Variants in SYN2 observed in about 807,000 individuals in gnomAD.
The protein encoded by SYN2 is synapsin II, also known as synapsin-2.
A neutral mutation model predicts 50.9 loss-of-function variants in SYN2; 19 were observed. The observed-to-expected ratio is 0.37, with a 90% CI of 0.26 to 0.55. SYN2 has a LOEUF of 0.55. SYN2 is among the 20% of genes least tolerant of loss of function. The pLI, the probability that SYN2 is intolerant of heterozygous loss-of-function variation, is 0.81. For synonymous variants in SYN2, 255 were observed against 224.9 expected (o/e 1.13, Z -1.20); for missense variants, 587 against 576.4 (o/e 1.02, Z -0.19).
intron 3 of SYN2, among the ~76,000 whole-genome samples, chr3:12,143,919 A>G (rs1046317606): frequency 9.9e-5 from 15 of 152,228 alleles, no homozygotes; most frequent in South Asian, 4.1e-4. Context: ...GTAAAAGCTT[A>G]AGTCCTCGAG....
At chr3:12,144,476 A>G (rs546731307) in intron 3 of SYN2, among the ~76,000 whole-genome samples, 9 of 152,304 alleles carry the variant, frequency 5.9e-5, no homozygotes, top group African/African-American at 2.2e-4. Context: ...AGTGTGGTGA[A>G]GGGAGCCAAG....
chr3:12,171,443 C>T (rs1174971887), intron 10 of SYN2, among the ~76,000 whole-genome samples: 1 of 152,086 alleles, frequency 6.6e-6, no homozygotes, highest in East Asian at 1.9e-4. Context: ...GTAGTCCCTT[C>T]TTCCCTTTAA....
Position 12,141,981 on chromosome 3 carries a change from G to A in SYN2, c.512G>A (p.Gly171Asp). 1 of 780,818 alleles carries A rather than the reference G, an allele frequency of 1.3e-6. No homozygotes were observed. The highest frequency in any genetic ancestry group is 1.7e-5 in the Admixed American group (1 of 59,040). The allele number at this position is 780,818 out of a possible 1,614,324, so 48.4% of individuals were successfully genotyped here. A position where few individuals can be genotyped will look rare whatever the true frequency, so the allele number is the denominator to read the frequency against. Residue 171 changes from glycine (G) to aspartate (D), a missense_variant, in exon 3 of 13, where the codon GGC becomes GAC. Coordinates refer to ENST00000621198, the MANE Select transcript of SYN2 (RefSeq NM_133625.6). Reference sequence around the variant, plus strand: ...GTGGATATGCAGGTTCTCCGGAATGGCACAAAGGTTGTCCGGTAAGGGTCT... The same window carrying A: ...GTGGATATGCAGGTTCTCCGGAATGACACAAAGGTTGTCCGGTAAGGGTCT... ...YAVDMQVLRN[G>D]TKVVRSFRPD...
chr3:12,161,812 G>C (rs1697655395), intron 6 of SYN2, 200 bp from the exon 7 acceptor site: 1 of 974,090 alleles, frequency 1.0e-6, no homozygotes, highest in African/African-American at 1.6e-5. Flanking sequence ...TGGTCCTCTG[G>C]GTCCTTTGCA....
chr3:12,063,371 TA>T (rs1304611806), intron 1 of SYN2, among the ~76,000 whole-genome samples: 1 of 152,000 alleles, frequency 6.6e-6, no homozygotes, highest in East Asian at 1.9e-4. Context: ...GTAGAGTCTG[TA>T]AGATTAAAGG....
At chr3:12,184,173 A>G in intron 11 of SYN2, 1 of 985,870 alleles carries the variant, frequency 1.0e-6, no homozygotes, top group African/African-American at 1.7e-5. Context: ...TTTACATCCC[A>G]GTGTACCCTT....
chr3:12,128,319 C>G (rs1183187875), intron 1 of SYN2, among the ~76,000 whole-genome samples: 1 of 152,118 alleles, frequency 6.6e-6, no homozygotes, highest in Admixed American at 6.5e-5. Context: ...TTTCTACATC[C>G]TGTTATATCA....
intron 1 of SYN2, among the ~76,000 whole-genome samples, chr3:12,114,388 T>C (rs11707641): frequency 0.16 from 23,680 of 152,168 alleles, 2,864 homozygotes; most frequent in East Asian, 0.56. Flanking sequence ...TCTCCCATTA[T>C]GTAAATTATT....
At chr3:12,137,736 A>T (rs1159652891) in intron 1 of SYN2, among the ~76,000 whole-genome samples, 1 of 152,210 alleles carries the variant, frequency 6.6e-6, no homozygotes, top group African/African-American at 2.4e-5. Context: ...AGCATGCCAT[A>T]TGTATGTGTT....
intron 1 of SYN2, among the ~76,000 whole-genome samples, chr3:12,044,205 A>ACACACACACC (rs1559397129): frequency 3.0e-5 from 4 of 135,134 alleles, no homozygotes; most frequent in Non-Finnish European, 4.9e-5. Context: ...ACACACACAC[A>ACACACACACC]CACACACACA....
rs546999287 is a variant in SYN2 at position 12,186,777 on chromosome 3, G to A, written c.1370-592G>A. Among the ~76,000 whole-genome samples, 6 of 152,268 alleles carry A rather than the reference G, an allele frequency of 3.9e-5. No homozygotes were observed. In the South Asian group the frequency reaches 6.2e-4, roughly 16 times the overall value. ...GACCATCGAGGTGATCATAAGGTAC[G>A]GAATACTTTTTGAAGAACTTGCTCA... On this transcript the variant is annotated intron_variant, in intron 11 of 12. Coordinates refer to ENST00000621198, the MANE Select transcript of SYN2 (RefSeq NM_133625.6).
At chr3:12,120,853 C>T (rs1280622135) in intron 1 of SYN2, among the ~76,000 whole-genome samples, 1 of 152,102 alleles carries the variant, frequency 6.6e-6, no homozygotes, top group Non-Finnish European at 1.5e-5. Context: ...CTCCCCCTTC[C>T]TTCTCATCTT....
At chr3:12,103,259 CT>C (rs1696113688) in intron 1 of SYN2, among the ~76,000 whole-genome samples, 2 of 151,868 alleles carry the variant, frequency 1.3e-5, no homozygotes, top group Non-Finnish European at 2.9e-5. Flanking sequence ...TATAACAGAG[CT>C]TTGTTTAAGG....
At chr3:12,158,653 A>G (rs777756078) in intron 5 of SYN2, 25 of 1,603,130 alleles carry the variant, frequency 1.6e-5, no homozygotes, top group East Asian at 4.5e-5. Flanking sequence ...CCAGATACTA[A>G]TCCCCCACAA....
At chr3:12,122,729 A>C (rs1696587653) in intron 1 of SYN2, among the ~76,000 whole-genome samples, 1 of 152,204 alleles carries the variant, frequency 6.6e-6, no homozygotes, top group Non-Finnish European at 1.5e-5. Context: ...CAATTAATAT[A>C]AAATTATGCC....
chr3:12,104,570 C>CTTT (rs796837275), intron 1 of SYN2, among the ~76,000 whole-genome samples: 1,027 of 81,630 alleles, frequency 0.013, 31 homozygotes, highest in East Asian at 0.015. Context: ...CTTTTCTTTT[C>CTTT]TTTTTTTTTT....
At chr3:12,097,456 A>G (rs379917) in intron 1 of SYN2, among the ~76,000 whole-genome samples, 137,864 of 151,826 alleles carry the variant, frequency 0.91, 62,625 homozygotes, top group East Asian at 1. Flanking sequence ...AATACAAAAA[A>G]TTGGCCGGGT....
intron 10 of SYN2, among the ~76,000 whole-genome samples, chr3:12,173,711 C>T (rs982677548): frequency 1.4e-4 from 21 of 151,966 alleles, no homozygotes; most frequent in African/African-American, 7.2e-5. Flanking sequence ...GTCAGGAGTT[C>T]GAGACCAGCC....
intron 1 of SYN2, among the ~76,000 whole-genome samples, chr3:12,006,654 T>C (rs1693806769): frequency 6.6e-6 from 1 of 152,122 alleles, no homozygotes; most frequent in Non-Finnish European, 1.5e-5. Flanking sequence ...CATTCCACTG[T>C]GTTATATTGC....
Sources: allele counts gnomAD v4.1 joint callset (sites outside exome capture counted in the v4.1 genomes callset), GRCh38; gene constraint gnomAD v4.1.1; transcripts MANE v1.5; gene names NCBI Gene and HGNC (gene_info 2026-07-23, HGNC 2026-07-21).